The following SLC25A30 variants were observed in gnomAD, a reference collection of about 807,000 sequenced individuals.
The protein encoded by SLC25A30 is kidney mitochondrial carrier protein 1.
A neutral mutation model predicts 42.7 loss-of-function variants in SLC25A30; 29 were observed. That is an observed-to-expected ratio of 0.68 (90% CI 0.51 to 0.93). The LOEUF is 0.93. SLC25A30 is among the 40% of genes least tolerant of loss of function. The pLI is 0.00. For synonymous variants in SLC25A30, 124 were observed against 131.0 expected (o/e 0.95, Z 0.37); for missense variants, 300 against 359.7 (o/e 0.83, Z 1.34).
At chr13:45,405,857 C>T (rs776179377) in intron 4 of SLC25A30, 26 bp downstream of exon 4, 3 of 1,604,976 alleles carry the variant, frequency 1.9e-6, no homozygotes, top group Admixed American at 3.3e-5. Context: ...CTCCTGTCCA[C>T]AGTGGAAAAC....
At chr13:45,424,618 A>T in the SLC25A30 span, among the ~76,000 whole-genome samples, 38 of 66,550 alleles carry the variant, frequency 5.7e-4, no homozygotes, top group Non-Finnish European at 7.5e-4. Context: ...AATATATATA[A>T]ATATATATAA....
chr13:45,427,314 C>T, the SLC25A30 span, among the ~76,000 whole-genome samples: 1 of 152,034 alleles, frequency 6.6e-6, no homozygotes, highest in African/African-American at 2.4e-5. Flanking sequence ...AGTCTGGATC[C>T]ACCAAAAAAG....
At chr13:45,423,216 A>C (rs1412915200), upstream of SLC25A30, among the ~76,000 whole-genome samples, 2 of 151,924 alleles carry the variant, frequency 1.3e-5, no homozygotes, top group East Asian at 3.9e-4. Context: ...GCTTTGTCAA[A>C]TTGTCTGTCC....
At chr13:45,423,948 A>ATATATGAATATATAAAAAC in the SLC25A30 span, among the ~76,000 whole-genome samples, 91 of 48,672 alleles carry the variant, frequency 1.9e-3, no homozygotes, top group African/African-American at 5.3e-3. Context: ...TATATAAAAA[A>ATATATGAATATATAAAAAC]ATATATGAAT....
chr13:45,395,923 T>TGTTTCAGAA lies in SLC25A30; in HGVS notation c.*42_*50dup, dbSNP rs1378258556. ...CAGAGTGAAACACAGGAAGCTTTGC[T>TGTTTCAGAA]GTTTCAGAAGTTACCATTTTCAGAA... is the stretch of plus-strand genomic sequence containing the variant. On this transcript the variant is annotated 3_prime_UTR_variant, in exon 10 of 10. Coordinates refer to ENST00000519676, the MANE Select transcript of SLC25A30 (RefSeq NM_001010875.4). 2 of 1,614,024 alleles carry TGTTTCAGAA rather than the reference T, an allele frequency of 1.2e-6. No individual in the cohort carries two copies. Among genetic ancestry groups the TGTTTCAGAA allele is most frequent in the Non-Finnish European group, 1.7e-6 (2 of 1,180,010 alleles).
chr13:45,433,355 T>C, the SLC25A30 span, among the ~76,000 whole-genome samples: 9 of 152,186 alleles, frequency 5.9e-5, no homozygotes, highest in Non-Finnish European at 1.0e-4. Context: ...TTAGCCAGAG[T>C]GTTCTAAAGT....
At chr13:45,398,816 A>C in intron 8 of SLC25A30, 124 bp downstream of exon 8, 1 of 1,012,186 alleles carries the variant, frequency 9.9e-7, no homozygotes, top group Non-Finnish European at 1.4e-6. Flanking sequence ...GGTCTCACAC[A>C]TGTACATCTC....
chr13:45,431,628 C>T, the SLC25A30 span, among the ~76,000 whole-genome samples: 2 of 149,912 alleles, frequency 1.3e-5, no homozygotes, highest in Non-Finnish European at 3.0e-5. Context: ...AGGTGATCTG[C>T]CCACCTCGGC....
At chr13:45,431,208 C>T in the SLC25A30 span, among the ~76,000 whole-genome samples, 7 of 149,316 alleles carry the variant, frequency 4.7e-5, no homozygotes, top group East Asian at 4.0e-4. Context: ...CCACCACACC[C>T]GGCTAATTTT....
Position 45,395,321 on chromosome 13 carries a change from G to A in SLC25A30, c.*653C>T, listed in dbSNP as rs946223518. On this transcript the variant is annotated 3_prime_UTR_variant, in exon 10 of 10. Transcript: ENST00000519676. The stretch of plus-strand genomic sequence containing the variant: ...CAAAGCCAACACATAACACCACCAC[G>A]AATTTAGAGATTATTACTTTGTAAC... 9.1e-6 allele frequency: 9 copies of A among 985,992 alleles called. No homozygotes were observed. Among genetic ancestry groups the A allele is most frequent in the African/African-American group, 5.2e-5 (3 of 57,216 alleles). 61.1% of individuals were successfully genotyped at this position (985,992 alleles called of 1,614,324 possible). A position where few individuals can be genotyped will look rare whatever the true frequency, so the allele number is the denominator to read the frequency against.
chr13:45,396,091 G>A, intron 9 of SLC25A30, 76 bp from the exon 10 acceptor site: 1 of 1,613,596 alleles, frequency 6.2e-7, no homozygotes, highest in South Asian at 1.1e-5. Flanking sequence ...ACTTACAAAT[G>A]GCACACTTAA....
At chr13:45,433,153 A>G in the SLC25A30 span, among the ~76,000 whole-genome samples, 2 of 152,128 alleles carry the variant, frequency 1.3e-5, no homozygotes, top group African/African-American at 4.8e-5. Flanking sequence ...TCACACAGGT[A>G]CTGCCAAAGC....
chr13:45,402,497 C>T, intron 5 of SLC25A30, 127 bp from the exon 6 acceptor site: 1 of 746,410 alleles, frequency 1.3e-6, no homozygotes, highest in Non-Finnish European at 2.3e-6. Flanking sequence ...AAAAAACTGT[C>T]ATATAAATAC....
intron 9 of SLC25A30, chr13:45,396,345 A>T (rs1276615682): frequency 8.5e-7 from 1 of 1,172,914 alleles, no homozygotes; most frequent in Non-Finnish European, 1.1e-6. Context: ...AGAGAGAGAG[A>T]GTTAGCAAGC....
intron 7 of SLC25A30, among the ~76,000 whole-genome samples, chr13:45,399,976 C>T (rs901169926): frequency 1.4e-5 from 2 of 144,636 alleles, no homozygotes; most frequent in African/African-American, 5.1e-5. Flanking sequence ...ACAATCAGAA[C>T]AGTCTCCACA....
chr13:45,403,948 A>C (rs911875211), intron 5 of SLC25A30, among the ~76,000 whole-genome samples: 1 of 152,104 alleles, frequency 6.6e-6, no homozygotes, highest in Non-Finnish European at 1.5e-5. Flanking sequence ...AAAAAAAAAA[A>C]AAAAAAGATG....
intron 1 of SLC25A30, among the ~76,000 whole-genome samples, chr13:45,414,384 G>C (rs1018623528): frequency 6.6e-5 from 10 of 152,076 alleles, no homozygotes; most frequent in African/African-American, 2.4e-4. Flanking sequence ...TTGGGAGGCC[G>C]AGGTGGGCGG....
upstream of SLC25A30, among the ~76,000 whole-genome samples, chr13:45,422,162 A>G (rs921150942): frequency 2.0e-5 from 3 of 152,208 alleles, no homozygotes; most frequent in Admixed American, 1.3e-4. Flanking sequence ...ATGCTTTGGA[A>G]TCAACTACAA....
rs182052979 is a variant in SLC25A30 at position 45,395,447 on chromosome 13, G to T, written c.*527C>A. 1.0e-6 allele frequency: 1 copy of T among 988,542 alleles called. No homozygotes were observed. The highest frequency in any genetic ancestry group is 1.7e-5 in the African/African-American group (1 of 57,276). 61.2% of individuals were successfully genotyped at this position (988,542 alleles called of 1,614,324 possible). ...TGATAAAGCAGTGTGATATTCCTAG[G>T]ATCCATTTCCTGCACCGTTTATACC... On this transcript the variant is annotated 3_prime_UTR_variant, in exon 10 of 10. Coordinates refer to ENST00000519676, the MANE Select transcript of SLC25A30 (RefSeq NM_001010875.4).
Sources: allele counts gnomAD v4.1 joint callset (sites outside exome capture counted in the v4.1 genomes callset), GRCh38; gene constraint gnomAD v4.1.1; transcripts MANE v1.5; gene names NCBI Gene and HGNC (gene_info 2026-07-23, HGNC 2026-07-21).